The following MMP13 variants were observed in gnomAD, a reference collection of about 807,000 sequenced individuals.
MMP13 encodes the protein collagenase 3.
A neutral mutation model predicts 52.1 loss-of-function variants in MMP13; 45 were observed. The ratio of observed to expected loss-of-function variants is 0.86; its 90% CI spans 0.68 to 1.11. The LOEUF (loss-of-function observed/expected upper bound fraction) is 1.11. Ranked by LOEUF, MMP13 falls within the 50% of genes least tolerant of loss-of-function variation. The probability of loss-of-function intolerance (pLI) is 0.00; values close to 1 mark genes in which losing one functional copy is unlikely to be tolerated. For missense variants in MMP13, 576 were observed against 583.8 expected, an observed-to-expected ratio of 0.99 and a Z score of 0.14; for synonymous variants, 200 against 204.4, an observed-to-expected ratio of 0.98 and a Z score of 0.18.
In MMP13 at chr11:102,955,321, A is replaced by G; in HGVS notation, c.293T>C (p.Val98Ala). 1 of 1,613,856 alleles carries G rather than the reference A, an allele frequency of 6.2e-7. No individual in the cohort carries two copies. The highest frequency in any genetic ancestry group is 8.5e-7 in the Non-Finnish European group (1 of 1,179,876). ...AACATTGTATTCACCCACATCAGGA[A>G]CCCCGCATCTTGGCTTTTTCATGAC... is the stretch of plus-strand genomic sequence containing the variant. ...LDVMKKPRCG[V>A]PDVGEYNVFP... The change falls in exon 2 of 10, where the codon GTT (valine) becomes GCT (alanine). Residue 98 changes from valine to alanine, a missense_variant. By Grantham distance (64) the Val-to-Ala change is moderately conservative. Coordinates refer to ENST00000260302, the MANE Select transcript of MMP13 (RefSeq NM_002427.4). This position sits in a 1 kb window ranked among gnomAD's most constrained non-coding sequence, Gnocchi z 4.9.
intron 8 of MMP13, 52 bp downstream of exon 8, chr11:102,947,839 G>A: frequency 1.3e-6 from 2 of 1,593,312 alleles, no homozygotes; most frequent in Non-Finnish European, 1.7e-6. Context: ...ACAGATGTTT[G>A]AGGCACTTTG....
chr11:102,954,198 C>T lies in MMP13; in HGVS notation c.595G>A (p.Ala199Thr), dbSNP rs910750565. 1.9e-6 allele frequency: 3 copies of T among 1,613,510 alleles called. No individual in the cohort carries two copies. The highest frequency in any genetic ancestry group is 1.3e-5 in the African/African-American group (1 of 74,894). The stretch of plus-strand genomic sequence containing the variant: ...CAGGTTTCATCATCATCAAAATGGG[C>T]ATCTCCTCCATAATTTGGCCCAGGA... ...FPPGPNYGGD[A>T]HFDDDETWTS... Residue 199 changes from alanine (A) to threonine (T), a missense_variant, in exon 4 of 10, where the codon GCC becomes ACC. Transcript: ENST00000260302.
At position 102,947,896 on chromosome 11, in the gene MMP13, G is replaced by C. The variant is rs782258442; in HGVS notation, c.1206C>G (p.Val402=). The change falls in exon 8 of 10, where the codon GTC becomes GTG. Residue 402 remains valine, a synonymous_variant. Coordinates refer to ENST00000260302, the MANE Select transcript of MMP13 (RefSeq NM_002427.4). ...GKTLLFSGNQ[V]WRYDDTNHIM... ...AGTACCTACTGCTGCCATACCTCCA[G>C]ACCTGGTTTCCTGAGAACAGGAGAG... 41 of 1,613,784 alleles carry C rather than the reference G, an allele frequency of 2.5e-5. No homozygotes were observed. Among genetic ancestry groups the C allele is most frequent in the Non-Finnish European group, 3.5e-5 (41 of 1,179,862 alleles).
At chr11:102,944,437 G>T (rs1860463546) in intron 9 of MMP13, 71 bp from the exon 10 acceptor site, 4 of 1,090,398 alleles carry the variant, frequency 3.7e-6, no homozygotes, top group Non-Finnish European at 4.2e-6. Context: ...TAATATTAAT[G>T]GTTCAATCTC....
At position 102,943,676 on chromosome 11, in the gene MMP13, C is replaced by T. The variant is rs1203294325; in HGVS notation, c.*590G>A. ...AAGGCCACATCTACTATTCTTACCA[C>T]TGCTCTTTTGTCTCCTGTCTTTAAT... On this transcript the variant is annotated 3_prime_UTR_variant, in exon 10 of 10. Transcript: ENST00000260302. 2.6e-5 allele frequency: 4 copies of T among 153,984 alleles called. No individual in the cohort carries two copies. Among genetic ancestry groups the T allele is most frequent in the African/African-American group, 9.6e-5 (4 of 41,466 alleles). 9.5% of individuals were successfully genotyped at this position (153,984 alleles called of 1,614,324 possible). A position where few individuals can be genotyped will look rare whatever the true frequency, so the allele number is the denominator to read the frequency against.
rs760915237 is a variant in MMP13 at position 102,955,686 on chromosome 11, G to T, written c.20C>A (p.Ala7Asp). 1 of 1,613,980 alleles carries T rather than the reference G, an allele frequency of 6.2e-7. No individual in the cohort carries two copies. Among genetic ancestry groups the T allele is most frequent in the Non-Finnish European group, 8.5e-7 (1 of 1,179,876 alleles). Residue 7 changes from alanine (A) to aspartate (D), a missense_variant, in exon 1 of 10, where the codon GCT (alanine) becomes GAT (aspartate). Transcript: ENST00000260302. The surrounding 1 kb of genome is among the most constrained non-coding windows in gnomAD (Gnocchi z 4.9). MHPGVL[A>D]AFLFLSWTHC... The stretch of plus-strand genomic sequence containing the variant: ...AGTCCAGCTCAAGAAGAGGAAGGCA[G>T]CCAGGACCCCTGGATGCATCTTGAA...
In MMP13 at chr11:102,954,447, T is replaced by C; in HGVS notation, c.511+11A>G. ...TATAAAAATGTTTGTAAAATAAATGTGCATCATTACCCTTAATTCCAAAAG... is the reference window on the plus strand; with the variant it reads ...TATAAAAATGTTTGTAAAATAAATGCGCATCATTACCCTTAATTCCAAAAG... On this transcript the variant is annotated intron_variant, in intron 3 of 9. Transcript: ENST00000260302. 1 of 1,612,042 alleles carries C rather than the reference T, an allele frequency of 6.2e-7. No homozygotes were observed. Among genetic ancestry groups the C allele is most frequent in the Non-Finnish European group, 8.5e-7 (1 of 1,178,568 alleles).
intron 8 of MMP13, among the ~76,000 whole-genome samples, chr11:102,947,420 G>A (rs993262389): frequency 2.0e-5 from 3 of 152,140 alleles, no homozygotes; most frequent in African/African-American, 7.2e-5. Context: ...ACAAAAATTA[G>A]TTGGGTGTAG....
In MMP13 at chr11:102,954,553, T is replaced by G. The variant is rs765872542; in HGVS notation, c.416A>C (p.Lys139Thr). ...ATCGGACCAAACTTTGAAGGCTTTT[T>G]TGAATGCCTTTTCGACTTCAGAATG... ...MTHSEVEKAF[K>T]KAFKVWSDVT... Residue 139 changes from lysine (K) to threonine (T), a missense_variant, in exon 3 of 10, where the codon AAA (lysine) becomes ACA (threonine). Coordinates refer to ENST00000260302, the MANE Select transcript of MMP13 (RefSeq NM_002427.4). The G allele has an allele frequency of 1.9e-6, 3 of 1,613,668 alleles. No homozygotes were observed. The South Asian group carries it at 3.3e-5, about 18-fold the overall frequency.
Position 102,952,126 on chromosome 11 carries a change from C to A in MMP13, c.685G>T (p.Gly229Cys), listed in dbSNP as rs1860623502. ...VAAHEFGHSL[G>C]LDHSKDPGAL... ...CCAGGGTCCTTGGAGTGGTCAAGAC[C>A]TAAGGAGTGGCCGAACTCATGCGCA... The change falls in exon 5 of 10, where the codon GGT (glycine) becomes TGT (cysteine). Residue 229 changes from glycine to cysteine, a missense_variant. By Grantham distance (159) the Gly-to-Cys change is radical. Coordinates refer to ENST00000260302, the MANE Select transcript of MMP13 (RefSeq NM_002427.4). This position sits in a 1 kb window ranked among gnomAD's most constrained non-coding sequence, Gnocchi z 4.3. 1 of 1,613,084 alleles carries A rather than the reference C, an allele frequency of 6.2e-7. No individual in the cohort carries two copies. The highest frequency in any genetic ancestry group is 1.3e-5 in the African/African-American group (1 of 74,826).
chr11:102,944,463 A>G (rs1860463901), intron 9 of MMP13, 97 bp from the exon 10 acceptor site: 1 of 870,750 alleles, frequency 1.1e-6, no homozygotes, highest in Non-Finnish European at 1.9e-6. Flanking sequence ...TCCCATTTGT[A>G]GGAATTTCAA....
intron 5 of MMP13, among the ~76,000 whole-genome samples, chr11:102,950,746 G>A (rs1860598482): frequency 6.6e-6 from 1 of 152,168 alleles, no homozygotes; most frequent in Non-Finnish European, 1.5e-5. Context: ...CTTGCGACAT[G>A]TTGGTAAATT....
chr11:102,950,202 A>G lies in MMP13; in HGVS notation c.825T>C (p.Pro275=). 1 of 1,613,750 alleles carries G rather than the reference A, an allele frequency of 6.2e-7. No homozygotes were observed. The highest frequency in any genetic ancestry group is 8.5e-7 in the Non-Finnish European group (1 of 1,179,694). The part of the protein sequence containing the change: ...LYGPGDEDPN[P]KHPKTPDKCD... ...ATTTGTCTGGCGTTTTTGGATGTTT[A>G]GGGTTGGGGTCTTCATCTCCTGGAC... Residue 275 remains proline, a synonymous_variant, in exon 6 of 10, where the codon CCT becomes CCC. Coordinates refer to ENST00000260302, the MANE Select transcript of MMP13 (RefSeq NM_002427.4).
chr11:102,945,574 G>C lies in MMP13; in HGVS notation c.1315+72C>G, dbSNP rs1277701509. ...ACACATCTAGGTCCTATATAAAAATGCTTTGTACAGAAAAGAGTTTTGAGG... is the reference window on the plus strand; with the variant it reads ...ACACATCTAGGTCCTATATAAAAATCCTTTGTACAGAAAAGAGTTTTGAGG... On this transcript the variant is annotated intron_variant, in intron 9 of 9. Coordinates refer to ENST00000260302, the MANE Select transcript of MMP13 (RefSeq NM_002427.4). 1.6e-5 allele frequency: 15 copies of C among 942,100 alleles called. No homozygotes were observed. The East Asian group carries it at 1.7e-4, about 11-fold the overall frequency. 58.4% of individuals were successfully genotyped at this position (942,100 alleles called of 1,614,324 possible). A position where few individuals can be genotyped will look rare whatever the true frequency, so the allele number is the denominator to read the frequency against.
intron 5 of MMP13, among the ~76,000 whole-genome samples, chr11:102,950,796 A>G (rs1254390192): frequency 1.3e-5 from 2 of 152,198 alleles, no homozygotes; most frequent in African/African-American, 4.8e-5. Flanking sequence ...ATGGGGGTGC[A>G]GTATATAATA....
chr11:102,945,380 T>A (rs782237691), intron 9 of MMP13: 7 of 835,486 alleles, frequency 8.4e-6, no homozygotes, highest in Non-Finnish European at 1.1e-5. Context: ...CATTTTGGCA[T>A]CTTTAAGCAT....
In MMP13 at chr11:102,954,554, T is replaced by C; in HGVS notation, c.415A>G (p.Lys139Glu). The C allele has an allele frequency of 6.2e-7, 1 of 1,613,636 alleles. No individual in the cohort carries two copies. The highest frequency in any genetic ancestry group is 8.5e-7 in the Non-Finnish European group (1 of 1,179,622). The change falls in exon 3 of 10, where the codon AAA becomes GAA. Residue 139 changes from lysine (K) to glutamate (E), a missense_variant. Lys to Glu is a moderately conservative substitution (Grantham distance 56). Coordinates refer to ENST00000260302, the MANE Select transcript of MMP13 (RefSeq NM_002427.4). ...MTHSEVEKAF[K>E]KAFKVWSDVT... ...TCGGACCAAACTTTGAAGGCTTTTT[T>C]GAATGCCTTTTCGACTTCAGAATGA...
At chr11:102,946,478 A>ATG (rs1860509390) in intron 8 of MMP13, among the ~76,000 whole-genome samples, 1 of 152,266 alleles carries the variant, frequency 6.6e-6, no homozygotes. Flanking sequence ...AACGCCAGGC[A>ATG]ATAGAAGTCA....
chr11:102,944,818 G>A (rs1328561398), intron 9 of MMP13, among the ~76,000 whole-genome samples: 8 of 135,590 alleles, frequency 5.9e-5, no homozygotes, highest in African/African-American at 1.9e-4. Flanking sequence ...ATGGGGTTTC[G>A]CCATGTTGGT....
Sources: gnomAD v4.1 joint callset for allele counts (sites outside exome capture counted in the v4.1 genomes callset) on GRCh38, gnomAD v4.1.1 for gene constraint, Gnocchi (gnomAD v3.1) non-coding constraint, MANE v1.5 for transcripts, NCBI Gene and HGNC (gene_info 2026-07-23, HGNC 2026-07-21) for gene names.